Variants in TRRAP observed in about 807,000 individuals in gnomAD.
TRRAP encodes transformation/transcription domain associated protein.
Under a neutral mutation model 438.8 loss-of-function variants are expected in TRRAP, and 41 were observed. The observed-to-expected ratio is 0.09, with a 90% CI of 0.07 to 0.12. The LOEUF (loss-of-function observed/expected upper bound fraction) is 0.12, where lower values mean the gene tolerates loss of function less well. Among genes scored for constraint, TRRAP ranks in the 10% least tolerant of loss-of-function variants. The pLI, the probability that TRRAP is intolerant of heterozygous loss-of-function variation, is 1.00. For synonymous variants in TRRAP, 1,994 were observed against 1,962.9 expected (o/e 1.02, Z -0.42); for missense variants, 3,122 against 5,055.1 (o/e 0.62, Z 11.60).
chr7:98,957,636 G>A (rs1209665534), intron 43 of TRRAP, among the ~76,000 whole-genome samples: 1 of 152,152 alleles, frequency 6.6e-6, no homozygotes, highest in African/African-American at 2.4e-5. Flanking sequence ...TGCTCACTCA[G>A]GATGTGTCCC....
Position 98,933,419 on chromosome 7 carries a change from G to T in TRRAP, c.4014+17G>T. ...TACACAGAGGTAGGGGGGTGGTGGT[G>T]CGGAGTGGTGTGGATGGTGATGACG... On this transcript the variant is annotated intron_variant, in intron 27 of 72. Coordinates refer to ENST00000456197, the MANE Select transcript of TRRAP (RefSeq NM_001375524.1). The T allele has an allele frequency of 6.2e-7, 1 of 1,609,510 alleles. No homozygotes were observed. The highest frequency in any genetic ancestry group is 1.3e-5 in the African/African-American group (1 of 74,982).
At position 99,011,476 on chromosome 7, in the gene TRRAP, G is replaced by A. The variant is rs1182428614; in HGVS notation, c.11278G>A (p.Gly3760Ser). 16 of 1,614,128 alleles carry A rather than the reference G, an allele frequency of 9.9e-6. No individual in the cohort carries two copies. The highest frequency in any genetic ancestry group is 2.2e-5 in the East Asian group (1 of 44,890). ...SEFLTTIGVSGPLTASMIAVA... is the reference protein window; with the variant it reads ...SEFLTTIGVSSPLTASMIAVA... ...GTTTCTGACCACCATCGGGGTCTCC[G>A]GCCCGTTGACAGCGTCCATGATTGC... The change falls in exon 72 of 73, where the codon GGC becomes AGC. Residue 3760 changes from glycine to serine, a missense_variant. Around this residue, in one of 24 missense-constraint regions of TRRAP, gnomAD observed 192 missense variants for 355.6 expected, o/e 0.54. Transcript: ENST00000456197. The surrounding 1 kb of genome is among the most constrained non-coding windows in gnomAD (Gnocchi z 7.1).
intron 58 of TRRAP, among the ~76,000 whole-genome samples, chr7:98,980,686 T>G (rs1043663602): frequency 1.3e-5 from 2 of 152,252 alleles, no homozygotes; most frequent in African/African-American, 2.4e-5. Flanking sequence ...TCCCTCATGT[T>G]CATGTAAACC....
At chr7:98,929,964 C>T (rs782814010) in intron 23 of TRRAP, 25 bp from the exon 24 acceptor site, 21 of 1,610,488 alleles carry the variant, frequency 1.3e-5, no homozygotes, top group Admixed American at 8.3e-5. Context: ...ACTGTTCTCA[C>T]GTGCCTTCCC....
In TRRAP at chr7:98,955,099, T is replaced by C; in HGVS notation, c.5732T>C (p.Val1911Ala). The change falls in exon 41 of 73, where the codon GTT becomes GCT. Residue 1911 changes from valine to alanine, a missense_variant and splice_region_variant. By Grantham distance (64) the Val-to-Ala change is moderately conservative. Transcript: ENST00000456197. ...ATAAACGTCTCTTCCCTGTTTTAGG[T>C]TTTTCATAGTCTCCTCAAGGCTCAC... ...FAIHKKIVLQ[V>A]FHSLLKAHAM... 1 of 1,610,984 alleles carries C rather than the reference T, an allele frequency of 6.2e-7. No homozygotes were observed. Among genetic ancestry groups the C allele is most frequent in the Non-Finnish European group, 8.5e-7 (1 of 1,177,522 alleles).
intron 67 of TRRAP, among the ~76,000 whole-genome samples, chr7:98,998,009 C>A (rs910330933): frequency 6.6e-6 from 1 of 152,174 alleles, no homozygotes; most frequent in Admixed American, 6.5e-5. Context: ...ACAGACTAAA[C>A]GGCTCCCTCC....
At chr7:98,907,621 G>T (rs1300794384) in intron 13 of TRRAP, among the ~76,000 whole-genome samples, 2 of 152,206 alleles carry the variant, frequency 1.3e-5, no homozygotes, top group Non-Finnish European at 2.9e-5. Context: ...GCTTTCTGTA[G>T]TTCTTAGAGA....
At chr7:98,959,594 T>C (rs962328465) in intron 45 of TRRAP, 104 bp downstream of exon 45, 27 of 1,486,846 alleles carry the variant, frequency 1.8e-5, no homozygotes, top group African/African-American at 4.2e-5. Flanking sequence ...CTGACCCTTA[T>C]GCCTAAACCC....
chr7:99,008,280 C>G lies in TRRAP; in HGVS notation c.10754-97C>G, dbSNP rs986548942. Reference sequence around the variant, plus strand: ...GCTAAGCCCCCAAGGCATACAGAGCCGGGTCAGCTCTGCTCCCAGTGGCAC... The same window carrying G: ...GCTAAGCCCCCAAGGCATACAGAGCGGGGTCAGCTCTGCTCCCAGTGGCAC... On this transcript the variant is annotated intron_variant, in intron 69 of 72. Transcript: ENST00000456197. 9.3e-6 allele frequency: 12 copies of G among 1,287,580 alleles called. No individual in the cohort carries two copies. The African/African-American group carries it at 1.2e-4, about 13-fold the overall frequency. 79.8% of individuals were successfully genotyped at this position (1,287,580 alleles called of 1,614,324 possible).
chr7:98,892,683 A>G (rs1796028213), intron 5 of TRRAP, among the ~76,000 whole-genome samples, 155 bp downstream of exon 5: 1 of 152,066 alleles, frequency 6.6e-6, no homozygotes, highest in Non-Finnish European at 1.5e-5. Context: ...CTTTTCCCCC[A>G]TTTCCTCCAC....
chr7:98,996,381 G>A (rs558979690), intron 67 of TRRAP, among the ~76,000 whole-genome samples: 1 of 152,356 alleles, frequency 6.6e-6, no homozygotes, highest in Admixed American at 6.5e-5. Flanking sequence ...CTCTTGCCAG[G>A]TTCTCACTGA....
intron 69 of TRRAP, among the ~76,000 whole-genome samples, chr7:99,006,063 A>T (rs1794150850): frequency 6.6e-6 from 1 of 152,194 alleles, no homozygotes; most frequent in Non-Finnish European, 1.5e-5. Flanking sequence ...CTGCCCTGTT[A>T]AGGCCACAGA....
chr7:98,999,785 A>G lies in TRRAP; in HGVS notation c.10310-4405A>G. ...CACTCATCTGAATTGCCGCTCACAA[A>G]TAACTTGAAGTTCTGTGGCAAATCC... On this transcript the variant is annotated intron_variant, in intron 67 of 72. Transcript: ENST00000456197. 3 of 556,506 alleles carry G rather than the reference A, an allele frequency of 5.4e-6. No homozygotes were observed. The South Asian group carries it at 7.9e-5, about 15-fold the overall frequency. The allele number at this position is 556,506 out of a possible 1,614,324, so 34.5% of individuals were successfully genotyped here.
In TRRAP at chr7:98,978,846, T is replaced by C; in HGVS notation, c.8576T>C (p.Val2859Ala). The C allele has an allele frequency of 6.2e-7, 1 of 1,614,202 alleles. No individual in the cohort carries two copies. Among genetic ancestry groups the C allele is most frequent in the Non-Finnish European group, 8.5e-7 (1 of 1,180,034 alleles). Reference protein sequence around the residue: ...QSKGHINPYLVLECAWRVSNW... With the variant: ...QSKGHINPYLALECAWRVSNW... The stretch of plus-strand genomic sequence containing the variant: ...AAAGGCCACATCAACCCCTACCTCG[T>C]CCTGGAGTGCGCCTGGCGGGTGTCC... Residue 2859 changes from valine (V) to alanine (A), a missense_variant, in exon 58 of 73, where the codon GTC becomes GCC. Val to Ala is a moderately conservative substitution (Grantham distance 64). Around this residue, in one of 24 missense-constraint regions of TRRAP, gnomAD observed 992 missense variants for 1,281.2 expected, o/e 0.77. Coordinates refer to ENST00000456197, the MANE Select transcript of TRRAP (RefSeq NM_001375524.1).
rs1264948237 is a variant in TRRAP, at chr7:99,012,850, C to G, written c.*495C>G. On this transcript the variant is annotated 3_prime_UTR_variant, in exon 73 of 73. Transcript: ENST00000456197. This position sits in a 1 kb window ranked among gnomAD's most constrained non-coding sequence, Gnocchi z 5.9. Reference sequence around the variant, plus strand: ...TGATGAACCCATCATGCTGGTTTTTCTCTGAGCACAAAGTTTTAGGCTGTA... The same window carrying G: ...TGATGAACCCATCATGCTGGTTTTTGTCTGAGCACAAAGTTTTAGGCTGTA... The G allele has an allele frequency of 6.4e-6, 1 of 155,550 alleles. No individual in the cohort carries two copies. The highest frequency in any genetic ancestry group is 1.4e-5 in the Non-Finnish European group (1 of 70,318). The allele number at this position is 155,550 out of a possible 1,614,324, so 9.6% of individuals were successfully genotyped here.
intron 52 of TRRAP, 103 bp from the exon 53 acceptor site, chr7:98,971,696 C>A: frequency 6.9e-7 from 1 of 1,447,466 alleles, no homozygotes. Context: ...GAAACGAACA[C>A]GAATTTTACC....
chr7:98,993,358 T>G (rs1027524276), intron 65 of TRRAP, among the ~76,000 whole-genome samples, 180 bp from the exon 66 acceptor site: 1 of 152,260 alleles, frequency 6.6e-6, no homozygotes, highest in African/African-American at 2.4e-5. Flanking sequence ...CCCGCGTCCC[T>G]CAGCGCACCT....
At chr7:98,923,831 T>A (rs369463153) in intron 21 of TRRAP, among the ~76,000 whole-genome samples, 51 of 152,344 alleles carry the variant, frequency 3.3e-4, no homozygotes, top group African/African-American at 1.2e-3. Context: ...GTTATTTGAT[T>A]TATATGTACA....
intron 39 of TRRAP, among the ~76,000 whole-genome samples, chr7:98,951,263 G>A (rs868946927): frequency 6.6e-6 from 1 of 152,192 alleles, no homozygotes; most frequent in South Asian, 2.1e-4. Flanking sequence ...GTCAGAAATG[G>A]AATAGATCTC....
Sources: gnomAD v4.1 joint callset for allele counts (sites outside exome capture counted in the v4.1 genomes callset) on GRCh38, gnomAD v4.1.1 for gene constraint, gnomAD v4.1.1 regional missense constraint, Gnocchi (gnomAD v3.1) non-coding constraint, MANE v1.5 for transcripts, NCBI Gene and HGNC (gene_info 2026-07-23, HGNC 2026-07-21) for gene names.